BMP2K: variants seen among roughly 807,000 people sequenced by gnomAD.
BMP2K encodes BMP-2-inducible protein kinase.
Under a neutral mutation model 116.0 loss-of-function variants are expected in BMP2K, and 74 were observed. The ratio of observed to expected loss-of-function variants is 0.64; its 90% CI spans 0.53 to 0.77. The LOEUF (loss-of-function observed/expected upper bound fraction) is 0.77, where lower values mean the gene tolerates loss of function less well. Among genes scored for constraint, BMP2K ranks in the 30% least tolerant of loss-of-function variants. The pLI is 0.00. For missense variants in BMP2K, 1,365 were observed against 1,403.6 expected (o/e 0.97, Z 0.44); for synonymous variants, 486 against 502.5 (o/e 0.97, Z 0.44).
chr4:78,872,932 G>T, intron 13 of BMP2K, 134 bp downstream of exon 13: 1 of 913,974 alleles, frequency 1.1e-6, no homozygotes, highest in Non-Finnish European at 1.6e-6. Flanking sequence ...TCTCTTCCTA[G>T]TCCTGTCTTC....
intron 15 of BMP2K, among the ~76,000 whole-genome samples, chr4:78,907,887 C>T (rs921763705): frequency 1.3e-5 from 2 of 152,202 alleles, no homozygotes; most frequent in South Asian, 4.2e-4. Flanking sequence ...GGTGGGTATG[C>T]AGCTCGAGGA....
chr4:78,892,429 T>C (rs1416256906), intron 15 of BMP2K, among the ~76,000 whole-genome samples: 3 of 152,214 alleles, frequency 2.0e-5, no homozygotes, highest in East Asian at 3.8e-4. Flanking sequence ...TATTCTGATA[T>C]TCCGTTTTTA....
At chr4:78,876,273 AT>A (rs1732627549) in intron 13 of BMP2K, among the ~76,000 whole-genome samples, 2 of 151,392 alleles carry the variant, frequency 1.3e-5, no homozygotes, top group African/African-American at 4.8e-5. Flanking sequence ...TTTTCCTTCA[AT>A]TTTCTGGGTA....
At chr4:78,869,986 C>T (rs1732253048) in intron 10 of BMP2K, among the ~76,000 whole-genome samples, 1 of 152,112 alleles carries the variant, frequency 6.6e-6, no homozygotes, top group Admixed American at 6.6e-5. Flanking sequence ...CTCTTTTTAT[C>T]TTCTAGGATT....
At position 78,865,733 on chromosome 4, in the gene BMP2K, C is replaced by T. The variant is rs146337428; in HGVS notation, c.1231+13C>T. On this transcript the variant is annotated intron_variant, in intron 10 of 15. Transcript: ENST00000502613. ...CATAGACCAAAAGGTAATAGAGCCC[C>T]GCCAACCTCATCCTCTTAAAGGTTA... 845 of 1,612,744 alleles carry T rather than the reference C, an allele frequency of 5.2e-4. 2 individuals carry two copies. The African/African-American group carries it at 9.6e-3, about 18-fold the overall frequency.
intron 6 of BMP2K, among the ~76,000 whole-genome samples, chr4:78,849,016 A>G (rs190007803): frequency 4.6e-5 from 7 of 151,570 alleles, no homozygotes; most frequent in Non-Finnish European, 7.4e-5. Flanking sequence ...TCCTGCTTCA[A>G]TGTAGTACTG....
chr4:78,840,274 T>C (rs1253432493), intron 3 of BMP2K, among the ~76,000 whole-genome samples: 1 of 152,102 alleles, frequency 6.6e-6, no homozygotes, highest in Non-Finnish European at 1.5e-5. Context: ...CATCTCATTT[T>C]ATTTTATTTT....
chr4:78,900,145 T>G (rs1165272878), intron 15 of BMP2K, among the ~76,000 whole-genome samples: 1 of 152,204 alleles, frequency 6.6e-6, no homozygotes, highest in East Asian at 1.9e-4. Context: ...GTGAAGACGA[T>G]GAGGATGAGG....
intron 1 of BMP2K, among the ~76,000 whole-genome samples, chr4:78,820,146 T>G (rs1456606175): frequency 6.6e-6 from 1 of 152,236 alleles, no homozygotes; most frequent in Non-Finnish European, 1.5e-5. Context: ...TTAGTCTAAC[T>G]GAAATTTAGA....
At position 78,878,744 on chromosome 4, in the gene BMP2K, G is replaced by T; in HGVS notation, c.1804G>T (p.Asp602Tyr). ...SSYSANRSVADKEAIANFTNQ... is the reference protein window; with the variant it reads ...SSYSANRSVAYKEAIANFTNQ... ...CAATTATTACTATAGGTCAGTTGCT[G>T]ATAAAGAGGCCATTGCAAATTTCAC... The change falls in exon 14 of 16, where the codon GAT becomes TAT. Residue 602 changes from aspartate to tyrosine, a missense_variant. Asp to Tyr is a radical substitution (Grantham distance 160). This residue lies in a region of BMP2K where 762 missense variants were observed against 756.7 expected (regional missense o/e 1.01). Transcript: ENST00000502613. The T allele has an allele frequency of 6.2e-7, 1 of 1,608,534 alleles. No individual in the cohort carries two copies. Among genetic ancestry groups the T allele is most frequent in the South Asian group, 1.1e-5 (1 of 89,422 alleles).
chr4:78,876,910 A>G (rs1443832082), intron 13 of BMP2K, among the ~76,000 whole-genome samples: 3 of 152,186 alleles, frequency 2.0e-5, no homozygotes, highest in Admixed American at 1.3e-4. Flanking sequence ...AGGCTTTATT[A>G]TATAGCTTAT....
chr4:78,778,223 A>G (rs1727339345), intron 1 of BMP2K, among the ~76,000 whole-genome samples: 1 of 152,224 alleles, frequency 6.6e-6, no homozygotes, highest in Non-Finnish European at 1.5e-5. Flanking sequence ...TAGAAAAAAA[A>G]TACTGACATT....
chr4:78,826,284 C>T (rs1256354423), intron 2 of BMP2K, 129 bp downstream of exon 2: 2 of 639,328 alleles, frequency 3.1e-6, no homozygotes, highest in Non-Finnish European at 5.5e-6. Context: ...TCGCTGCAAC[C>T]TCCACCTCCC....
intron 14 of BMP2K, among the ~76,000 whole-genome samples, chr4:78,884,426 C>G (rs377474814): frequency 2.0e-5 from 3 of 152,180 alleles, no homozygotes; most frequent in African/African-American, 7.2e-5. Context: ...ATCAAGTCTA[C>G]GGTTGGGTCC....
At chr4:78,829,402 G>GTTTTTTTTTTT (rs79345386) in intron 2 of BMP2K, among the ~76,000 whole-genome samples, 4 of 133,858 alleles carry the variant, frequency 3.0e-5, no homozygotes, top group Non-Finnish European at 5.0e-5. Flanking sequence ...ATAGTTTTTT[G>GTTTTTTTTTTT]TTTTTTTTTT....
At chr4:78,814,206 T>TA (rs1222162949) in intron 1 of BMP2K, among the ~76,000 whole-genome samples, 3 of 152,192 alleles carry the variant, frequency 2.0e-5, no homozygotes, top group African/African-American at 7.2e-5. Flanking sequence ...CTTTTTGAGT[T>TA]AAAAATGGCA....
intron 3 of BMP2K, among the ~76,000 whole-genome samples, chr4:78,836,412 G>C (rs1455298843): frequency 6.6e-6 from 1 of 150,670 alleles, no homozygotes; most frequent in East Asian, 1.9e-4. Context: ...GCGAGACTCT[G>C]TCTCAAAAAA....
intron 13 of BMP2K, among the ~76,000 whole-genome samples, chr4:78,873,497 A>G (rs1205868165): frequency 6.6e-6 from 1 of 152,240 alleles, no homozygotes; most frequent in African/African-American, 2.4e-5. Context: ...AAGTTCTCAT[A>G]CAATGCTGTT....
chr4:78,853,236 A>G (rs971860886), intron 7 of BMP2K, among the ~76,000 whole-genome samples: 1 of 152,196 alleles, frequency 6.6e-6, no homozygotes, highest in East Asian at 1.9e-4. Flanking sequence ...AATCTTTGTT[A>G]AAACTGTATG....
Sources: gnomAD v4.1 joint callset for allele counts (sites outside exome capture counted in the v4.1 genomes callset) on GRCh38, gnomAD v4.1.1 for gene constraint, gnomAD v4.1.1 regional missense constraint, MANE v1.5 for transcripts, NCBI Gene and HGNC (gene_info 2026-07-23, HGNC 2026-07-21) for gene names.